Variants in ICA1 observed in about 807,000 individuals in gnomAD.
ICA1 encodes islet cell autoantigen 1, also known as 69 kDa islet cell autoantigen.
ICA1 carries 40 observed loss-of-function variants against 71.0 expected under a neutral mutation model. The observed-to-expected ratio is 0.56, with a 90% CI of 0.44 to 0.73. The LOEUF is 0.73. ICA1 is among the 30% of genes least tolerant of loss of function. The pLI is 0.00. For synonymous variants in ICA1, 207 were observed against 209.5 expected (o/e 0.99, Z 0.10); for missense variants, 578 against 576.5 (o/e 1.00, Z -0.03).
At chr7:8,195,933 G>A (rs915557533) in intron 6 of ICA1, among the ~76,000 whole-genome samples, 5 of 152,042 alleles carry the variant, frequency 3.3e-5, no homozygotes, top group Non-Finnish European at 7.4e-5. Context: ...AGCTGAGATC[G>A]TGCCACTGCA....
intron 6 of ICA1, among the ~76,000 whole-genome samples, chr7:8,176,190 G>C (rs1028106983): frequency 6.6e-6 from 1 of 152,210 alleles, no homozygotes; most frequent in South Asian, 2.1e-4. Context: ...TTAGTCCAGA[G>C]GTCTCCTTTC....
intron 6 of ICA1, among the ~76,000 whole-genome samples, chr7:8,196,516 A>G (rs561070055): frequency 7.9e-5 from 12 of 152,272 alleles, no homozygotes; most frequent in African/African-American, 2.9e-4. Flanking sequence ...GGTTGATAAT[A>G]ATGTGTCAAC....
chr7:8,215,626 G>A (rs1447892907), intron 6 of ICA1, among the ~76,000 whole-genome samples: 1 of 152,196 alleles, frequency 6.6e-6, no homozygotes, highest in Non-Finnish European at 1.5e-5. Flanking sequence ...ATCATTTGTT[G>A]AATGGACAAA....
At chr7:8,168,815 A>G (rs1807136326) in intron 6 of ICA1, among the ~76,000 whole-genome samples, 1 of 152,060 alleles carries the variant, frequency 6.6e-6, no homozygotes, top group Non-Finnish European at 1.5e-5. Flanking sequence ...CACCTTGGAG[A>G]TGATGCCTCT....
intron 8 of ICA1, among the ~76,000 whole-genome samples, chr7:8,155,825 G>C (rs796427587): frequency 6.6e-6 from 1 of 152,188 alleles, no homozygotes; most frequent in African/African-American, 2.4e-5. Context: ...GTAAATCAGA[G>C]ATGATGAAGC....
chr7:8,203,031 A>G (rs1174707063), intron 6 of ICA1, among the ~76,000 whole-genome samples: 1 of 152,240 alleles, frequency 6.6e-6, no homozygotes, highest in Non-Finnish European at 1.5e-5. Flanking sequence ...TGAGTATTCA[A>G]TAATAGATAT....
chr7:8,138,470 C>T (rs531861551), intron 12 of ICA1, among the ~76,000 whole-genome samples: 1 of 152,130 alleles, frequency 6.6e-6, no homozygotes, highest in African/African-American at 2.4e-5. Context: ...TGAGAATAAC[C>T]CAGGCTTAGA....
intron 5 of ICA1, among the ~76,000 whole-genome samples, chr7:8,219,615 A>T (rs961703079): frequency 3.9e-5 from 6 of 152,232 alleles, no homozygotes; most frequent in African/African-American, 1.4e-4. Context: ...TCCTACCTAG[A>T]TGTTGCAGAT....
At chr7:8,258,963 A>C (rs1811251425) in intron 1 of ICA1, among the ~76,000 whole-genome samples, 1 of 152,168 alleles carries the variant, frequency 6.6e-6, no homozygotes, top group Non-Finnish European at 1.5e-5. Context: ...ATAGTTGCCA[A>C]AGTGCTTTGT....
chr7:8,227,506 G>A, intron 4 of ICA1: 1 of 202,020 alleles, frequency 5.0e-6, no homozygotes, highest in Non-Finnish European at 1.0e-5. Flanking sequence ...TGGAGCCCTG[G>A]AGAAGTCTTA....
intron 6 of ICA1, among the ~76,000 whole-genome samples, chr7:8,217,807 C>T (rs1795863596): frequency 6.6e-6 from 1 of 152,216 alleles, no homozygotes; most frequent in Non-Finnish European, 1.5e-5. Flanking sequence ...TCTTCAGCCA[C>T]ATATTTTCCT....
chr7:8,201,003 T>C (rs1222517634), intron 6 of ICA1, among the ~76,000 whole-genome samples: 4 of 152,218 alleles, frequency 2.6e-5, no homozygotes, highest in Admixed American at 6.5e-5. Context: ...TTTACTTTAG[T>C]GGTCAATGAG....
At chr7:8,201,516 G>C (rs554053946) in intron 6 of ICA1, among the ~76,000 whole-genome samples, 1 of 152,224 alleles carries the variant, frequency 6.6e-6, no homozygotes, top group Non-Finnish European at 1.5e-5. Context: ...AAAAACCAAA[G>C]GCAGAAGATG....
chr7:8,189,355 T>C (rs1029766314), intron 6 of ICA1, among the ~76,000 whole-genome samples: 2 of 152,208 alleles, frequency 1.3e-5, no homozygotes. Context: ...GATGATGTGA[T>C]ACACAGAGGT....
At chr7:8,164,261 C>T (rs571459137) in intron 6 of ICA1, among the ~76,000 whole-genome samples, 9 of 133,580 alleles carry the variant, frequency 6.7e-5, no homozygotes, top group African/African-American at 2.6e-4. Context: ...CTGAGATCGT[C>T]GCACTGCACT....
chr7:8,210,466 C>T (rs1174138660), intron 6 of ICA1, among the ~76,000 whole-genome samples: 1 of 152,138 alleles, frequency 6.6e-6, no homozygotes, highest in Non-Finnish European at 1.5e-5. Flanking sequence ...ATATTTCTCA[C>T]CACGAAGTCG....
chr7:8,254,694 G>A (rs1181561475), intron 1 of ICA1, among the ~76,000 whole-genome samples: 1 of 151,838 alleles, frequency 6.6e-6, no homozygotes, highest in Non-Finnish European at 1.5e-5. Flanking sequence ...AACCCAGAAA[G>A]TTGCTTGAAG....
chr7:8,153,846 T>C (rs1482612476), intron 8 of ICA1, among the ~76,000 whole-genome samples: 1 of 149,360 alleles, frequency 6.7e-6, no homozygotes, highest in Non-Finnish European at 1.5e-5. Flanking sequence ...AATATATATA[T>C]ATATATATAT....
chr7:8,231,930 T>C (rs1563118590), intron 3 of ICA1, among the ~76,000 whole-genome samples: 1 of 152,228 alleles, frequency 6.6e-6, no homozygotes, highest in African/African-American at 2.4e-5. Context: ...TATTAAAATC[T>C]GAGTTCATTT....
Sources: allele counts gnomAD v4.1 joint callset (sites outside exome capture counted in the v4.1 genomes callset), GRCh38; gene constraint gnomAD v4.1.1; transcripts MANE v1.5; gene names NCBI Gene and HGNC (gene_info 2026-07-23, HGNC 2026-07-21).